USP54: variants seen among roughly 807,000 people sequenced by gnomAD.
The protein encoded by USP54 is ubiquitin carboxyl-terminal hydrolase 54.
Under a neutral mutation model 170.5 loss-of-function variants are expected in USP54, and 87 were observed. The observed-to-expected ratio is 0.51, with a 90% CI of 0.43 to 0.61. The LOEUF (loss-of-function observed/expected upper bound fraction) is 0.61, where lower values mean the gene tolerates loss of function less well. Ranked by LOEUF, USP54 falls within the 20% of genes least tolerant of loss-of-function variation. The probability of loss-of-function intolerance (pLI) is 0.00; values close to 1 mark genes in which losing one functional copy is unlikely to be tolerated. For missense variants in USP54, 1,786 were observed against 2,047.8 expected, an observed-to-expected ratio of 0.87 and a Z score of 2.47; for synonymous variants, 655 against 742.8, an observed-to-expected ratio of 0.88 and a Z score of 1.92.
chr10:73,535,067 G>A (rs2064952260), intron 11 of USP54, among the ~76,000 whole-genome samples: 1 of 152,168 alleles, frequency 6.6e-6, no homozygotes, highest in Non-Finnish European at 1.5e-5. Context: ...CAGAAGTGAT[G>A]AAAAAGTTGT....
At chr10:73,542,333 C>T (rs1363337145) in intron 7 of USP54, among the ~76,000 whole-genome samples, 2 of 152,158 alleles carry the variant, frequency 1.3e-5, no homozygotes, top group African/African-American at 4.8e-5. Flanking sequence ...CTCTTAGCCT[C>T]AAGTGATCCG....
chr10:73,541,509 C>T lies in USP54; in HGVS notation c.691G>A (p.Glu231Lys). 1 of 1,614,206 alleles carries T rather than the reference C, an allele frequency of 6.2e-7. No individual in the cohort carries two copies. Among genetic ancestry groups the T allele is most frequent in the Non-Finnish European group, 8.5e-7 (1 of 1,180,044 alleles). ...AACACACGGCGAATCCTGATCCTCT[C>T]TCCACAGTTGCTCTGAAATACATAT... The part of the protein sequence containing the change: ...DLRNCPSNCG[E>K]RIRIRRVLMN... Residue 231 changes from glutamate (E) to lysine (K), a missense_variant, in exon 9 of 24, where the codon GAG becomes AAG. Coordinates refer to ENST00000687698, the MANE Select transcript of USP54 (RefSeq NM_001391956.1).
At chr10:73,575,418 G>A in intron 3 of USP54, 94 bp downstream of exon 3, 1 of 1,343,038 alleles carries the variant, frequency 7.4e-7, no homozygotes, top group Non-Finnish European at 9.7e-7. Context: ...CTCAAACAGA[G>A]ACTATCAAAC....
Position 73,530,350 on chromosome 10 carries a change from C to T in USP54, c.1621G>A (p.Asp541Asn), listed in dbSNP as rs183358698. 4 of 1,613,910 alleles carry T rather than the reference C, an allele frequency of 2.5e-6. No individual in the cohort carries two copies. The African/African-American group carries it at 4.0e-5, about 16-fold the overall frequency. Reference sequence around the variant, plus strand: ...GGCAGGGTCCTAGGAGGTTTTTTGTCAGGCTGGTCTCCTCCTCTGCCCCTG... The same window carrying T: ...GGCAGGGTCCTAGGAGGTTTTTTGTTAGGCTGGTCTCCTCCTCTGCCCCTG... ...HCRGRGGDQP[D>N]KKPPRTLPLH... is the part of the protein sequence containing the mutation. The change falls in exon 14 of 24, where the codon GAC becomes AAC. Residue 541 changes from aspartate (D) to asparagine (N), a missense_variant. By Grantham distance (23) the Asp-to-Asn change is conservative. This residue lies in a region of USP54 where 1,418 missense variants were observed against 1,569.0 expected (regional missense o/e 0.90). Coordinates refer to ENST00000687698, the MANE Select transcript of USP54 (RefSeq NM_001391956.1).
chr10:73,560,000 G>C (rs1171233981), intron 4 of USP54, among the ~76,000 whole-genome samples: 1 of 151,906 alleles, frequency 6.6e-6, no homozygotes, highest in Non-Finnish European at 1.5e-5. Flanking sequence ...AGCTGAGATA[G>C]TGCCACTGCA....
intron 1 of USP54, among the ~76,000 whole-genome samples, chr10:73,584,058 T>G (rs906645870): frequency 7.9e-5 from 12 of 152,172 alleles, no homozygotes; most frequent in African/African-American, 2.9e-4. Context: ...AATATTTATA[T>G]GTCTAAAGGT....
intron 20 of USP54, 86 bp from the exon 21 acceptor site, chr10:73,505,512 T>C: frequency 9.7e-7 from 1 of 1,025,998 alleles, no homozygotes; most frequent in Non-Finnish European, 1.5e-6. Flanking sequence ...ACTCAGGAGC[T>C]GTTGTTTCAT....
intron 1 of USP54, among the ~76,000 whole-genome samples, chr10:73,587,515 T>C (rs115326561): frequency 2.1e-4 from 32 of 152,142 alleles, no homozygotes; most frequent in Middle Eastern, 3.4e-3. Context: ...GCCAACAATA[T>C]TGCAGAACCT....
intron 20 of USP54, among the ~76,000 whole-genome samples, chr10:73,507,599 G>T (rs1232487180): frequency 6.7e-6 from 1 of 150,292 alleles, no homozygotes; most frequent in Non-Finnish European, 1.5e-5. Context: ...GCTTGAACCC[G>T]GGAGGCAGAG....
At chr10:73,572,223 T>G (rs2075329200) in intron 3 of USP54, among the ~76,000 whole-genome samples, 1 of 152,126 alleles carries the variant, frequency 6.6e-6, no homozygotes, top group African/African-American at 2.4e-5. Context: ...CTCAAAACTG[T>G]CAAAGTTTAT....
chr10:73,603,243 C>G (rs1009364839), intron 1 of USP54, among the ~76,000 whole-genome samples: 10 of 152,066 alleles, frequency 6.6e-5, no homozygotes, highest in Admixed American at 2.0e-4. Context: ...ATTTAATTTG[C>G]TGGATGGCGA....
upstream of USP54, chr10:73,625,970 T>A (rs2081510383): frequency 6.6e-6 from 1 of 150,426 alleles, no homozygotes; most frequent in Non-Finnish European, 1.5e-5. Context: ...CCGCCGCGGC[T>A]GCTATAGCTA....
At chr10:73,558,236 T>C (rs575662486) in intron 4 of USP54, among the ~76,000 whole-genome samples, 1 of 152,260 alleles carries the variant, frequency 6.6e-6, no homozygotes, top group South Asian at 2.1e-4. Flanking sequence ...CAGAATGACA[T>C]ACTGACACAA....
chr10:73,510,180 CAA>C (rs1010845903), intron 20 of USP54, among the ~76,000 whole-genome samples: 1 of 151,694 alleles, frequency 6.6e-6, no homozygotes, highest in Non-Finnish European at 1.5e-5. Flanking sequence ...ACTAAAAATA[CAA>C]AAATTAGCCT....
At position 73,517,320 on chromosome 10, in the gene USP54, A is replaced by T. The variant is rs1420368727; in HGVS notation, c.3106T>A (p.Ser1036Thr). The T allele has an allele frequency of 6.2e-7, 1 of 1,611,722 alleles. No homozygotes were observed. Among genetic ancestry groups the T allele is most frequent in the Non-Finnish European group, 8.5e-7 (1 of 1,178,784 alleles). Residue 1036 changes from serine (S) to threonine (T), a missense_variant, in exon 20 of 24, where the codon TCC (serine) becomes ACC (threonine). Ser to Thr is a moderately conservative substitution (Grantham distance 58, BLOSUM62 1). Transcript: ENST00000687698. ...FQEKKDPANP[S>T]PVMPGIATSE... ...GTGGCTATTCCAGGCATCACCGGGG[A>T]GGGGTTAGCAGGATCCTTCTTTTCT...
At chr10:73,594,903 GT>G (rs891034658), upstream of USP54, among the ~76,000 whole-genome samples, 7 of 150,466 alleles carry the variant, frequency 4.7e-5, no homozygotes, top group African/African-American at 1.2e-4. Context: ...AGTCTAGTGG[GT>G]TTTTTTTTAA....
chr10:73,559,287 G>A (rs1055761650), intron 4 of USP54, among the ~76,000 whole-genome samples: 5 of 151,474 alleles, frequency 3.3e-5, no homozygotes, highest in South Asian at 2.1e-4. Flanking sequence ...TAGGCTGGGC[G>A]CGGTGGCTCA....
At chr10:73,588,516 G>A (rs894162088) in intron 1 of USP54, among the ~76,000 whole-genome samples, 3 of 152,142 alleles carry the variant, frequency 2.0e-5, no homozygotes, top group African/African-American at 7.2e-5. Flanking sequence ...GAGCCACCGC[G>A]CCCAGCCTGG....
chr10:73,504,460 A>G (rs768702887), intron 22 of USP54: 114 of 207,706 alleles, frequency 5.5e-4, no homozygotes, highest in Non-Finnish European at 8.2e-4. Flanking sequence ...ACTGAATTCT[A>G]TTCAATCACA....
Sources: gnomAD v4.1 joint callset for allele counts (sites outside exome capture counted in the v4.1 genomes callset) on GRCh38, gnomAD v4.1.1 for gene constraint, gnomAD v4.1.1 regional missense constraint, MANE v1.5 for transcripts, NCBI Gene and HGNC (gene_info 2026-07-23, HGNC 2026-07-21) for gene names.